Variants in ST6GALNAC3 observed in about 807,000 individuals in gnomAD.
ST6GALNAC3 encodes alpha-N-acetylgalactosaminide alpha-2,6-sialyltransferase 3.
ST6GALNAC3 carries 25 observed loss-of-function variants against 32.7 expected under a neutral mutation model. The ratio of observed to expected loss-of-function variants is 0.76; its 90% CI spans 0.56 to 1.07. The LOEUF (loss-of-function observed/expected upper bound fraction) is 1.07. Among genes scored for constraint, ST6GALNAC3 ranks in the 50% least tolerant of loss-of-function variants. The pLI is 0.00. For synonymous variants in ST6GALNAC3, 129 were observed against 133.1 expected (o/e 0.97, Z 0.21); for missense variants, 355 against 382.4 (o/e 0.93, Z 0.60).
intron 3 of ST6GALNAC3, among the ~76,000 whole-genome samples, chr1:76,558,442 A>G (rs1465285369): frequency 3.9e-5 from 6 of 152,230 alleles, no homozygotes; most frequent in Non-Finnish European, 7.3e-5. Flanking sequence ...CTTTGCAGCA[A>G]CATGGATGCA....
At chr1:76,627,387 T>C (rs1649033502) in intron 3 of ST6GALNAC3, 65 bp from the exon 4 acceptor site, 1 of 1,052,340 alleles carries the variant, frequency 9.5e-7, no homozygotes, top group African/African-American at 1.6e-5. Context: ...TCACACACCT[T>C]ATTGTTCTGT....
chr1:76,399,150 C>T (rs529481700), intron 2 of ST6GALNAC3, among the ~76,000 whole-genome samples: 1 of 152,222 alleles, frequency 6.6e-6, no homozygotes, highest in South Asian at 2.1e-4. Flanking sequence ...CTCTCCATAG[C>T]CTGCCTTTCA....
intron 1 of ST6GALNAC3, among the ~76,000 whole-genome samples, chr1:76,274,632 T>A (rs1244084502): frequency 6.6e-6 from 1 of 152,200 alleles, no homozygotes; most frequent in East Asian, 1.9e-4. Context: ...TCTAAACTTA[T>A]TAAATTCTCA....
intron 1 of ST6GALNAC3, among the ~76,000 whole-genome samples, chr1:76,303,564 G>A (rs1287319596): frequency 2.0e-5 from 3 of 152,022 alleles, no homozygotes; most frequent in Admixed American, 2.0e-4. Flanking sequence ...CCTGATACTT[G>A]CTGAGTACAT....
At chr1:76,593,365 T>A (rs2100594528) in intron 3 of ST6GALNAC3, among the ~76,000 whole-genome samples, 1 of 152,292 alleles carries the variant, frequency 6.6e-6, no homozygotes, top group South Asian at 2.1e-4. Context: ...TAATCTGGTA[T>A]CCTTAATAGC....
intron 1 of ST6GALNAC3, among the ~76,000 whole-genome samples, chr1:76,242,393 C>A (rs924800009): frequency 6.6e-5 from 10 of 152,130 alleles, no homozygotes; most frequent in African/African-American, 2.2e-4. Flanking sequence ...TGTAACAGAG[C>A]TGGGAGCAAG....
chr1:76,575,437 G>T (rs1031530074), intron 3 of ST6GALNAC3, among the ~76,000 whole-genome samples: 3 of 152,002 alleles, frequency 2.0e-5, no homozygotes, highest in African/African-American at 4.8e-5. Flanking sequence ...AGACACAATC[G>T]TTAGTACTAA....
chr1:76,416,520 C>T (rs1041038586), intron 3 of ST6GALNAC3, among the ~76,000 whole-genome samples: 8 of 151,652 alleles, frequency 5.3e-5, no homozygotes, highest in African/African-American at 1.9e-4. Flanking sequence ...TCAAAGAAAA[C>T]TTTGCTTCTC....
intron 1 of ST6GALNAC3, among the ~76,000 whole-genome samples, chr1:76,304,900 C>A (rs767490449): frequency 3.3e-5 from 5 of 151,956 alleles, no homozygotes; most frequent in Non-Finnish European, 7.4e-5. Context: ...AAACTCATCT[C>A]GTTTAGAGTG....
intron 3 of ST6GALNAC3, among the ~76,000 whole-genome samples, chr1:76,548,442 A>G (rs925173060): frequency 6.6e-6 from 1 of 152,156 alleles, no homozygotes; most frequent in Non-Finnish European, 1.5e-5. Flanking sequence ...TCTCTGCTTC[A>G]TCTCATACCA....
chr1:76,116,210 GA>G (rs1234209500), intron 1 of ST6GALNAC3, among the ~76,000 whole-genome samples: 9 of 151,152 alleles, frequency 6.0e-5, no homozygotes, highest in East Asian at 3.9e-4. Context: ...TGAAGAGAAT[GA>G]AAAAAAAAGT....
chr1:76,460,562 C>T (rs779994256), intron 3 of ST6GALNAC3, among the ~76,000 whole-genome samples: 9 of 152,046 alleles, frequency 5.9e-5, no homozygotes, highest in East Asian at 1.9e-4. Flanking sequence ...GGTGAGACAC[C>T]GCAGAATCAA....
At chr1:76,519,558 A>G (rs1662382611) in intron 3 of ST6GALNAC3, among the ~76,000 whole-genome samples, 1 of 152,182 alleles carries the variant, frequency 6.6e-6, no homozygotes, top group Non-Finnish European at 1.5e-5. Context: ...AAATGTAAAT[A>G]GCCATGTGTA....
At chr1:76,526,114 A>G (rs1022608315) in intron 3 of ST6GALNAC3, among the ~76,000 whole-genome samples, 1 of 151,838 alleles carries the variant, frequency 6.6e-6, no homozygotes, top group African/African-American at 2.4e-5. Context: ...ATTTAGAAGA[A>G]TGAAGACTCA....
At chr1:76,099,609 G>A (rs1261646231) in intron 1 of ST6GALNAC3, among the ~76,000 whole-genome samples, 4 of 152,080 alleles carry the variant, frequency 2.6e-5, no homozygotes, top group East Asian at 3.8e-4. Context: ...TCTATATGAC[G>A]TTTATAAAAG....
chr1:76,605,707 A>G (rs926285339), intron 3 of ST6GALNAC3, among the ~76,000 whole-genome samples: 1 of 151,866 alleles, frequency 6.6e-6, no homozygotes, highest in African/African-American at 2.4e-5. Flanking sequence ...ACTACTAAAA[A>G]TACAAAAGTT....
At chr1:76,581,148 T>C (rs1244077689) in intron 3 of ST6GALNAC3, among the ~76,000 whole-genome samples, 1 of 152,140 alleles carries the variant, frequency 6.6e-6, no homozygotes, top group Non-Finnish European at 1.5e-5. Flanking sequence ...TATTGTTTTT[T>C]AATTACCTCA....
At chr1:76,158,760 A>C (rs1651629761) in intron 1 of ST6GALNAC3, among the ~76,000 whole-genome samples, 1 of 152,222 alleles carries the variant, frequency 6.6e-6, no homozygotes, top group Non-Finnish European at 1.5e-5. Context: ...CCTGGTAATT[A>C]GTAGCTTTTA....
chr1:76,481,709 T>A (rs959256979), intron 3 of ST6GALNAC3, among the ~76,000 whole-genome samples: 1 of 152,204 alleles, frequency 6.6e-6, no homozygotes. Context: ...AACAACAAGA[T>A]GATGTTTCCT....
Sources: allele counts gnomAD v4.1 joint callset (sites outside exome capture counted in the v4.1 genomes callset), GRCh38; gene constraint gnomAD v4.1.1; transcripts MANE v1.5; gene names NCBI Gene and HGNC (gene_info 2026-07-23, HGNC 2026-07-21).